The following TAOK1 variants were observed in gnomAD, a reference collection of about 807,000 sequenced individuals.
The protein encoded by TAOK1 is TAO kinase 1, also known as serine/threonine-protein kinase TAO1.
A neutral mutation model predicts 138.3 loss-of-function variants in TAOK1; 21 were observed. The ratio of observed to expected loss-of-function variants is 0.15; its 90% CI spans 0.11 to 0.22. TAOK1 has a LOEUF of 0.22. Ranked by LOEUF, TAOK1 falls within the 10% of genes least tolerant of loss-of-function variation. The pLI is 1.00. For missense variants in TAOK1, 651 were observed against 1,227.7 expected (o/e 0.53, Z 7.02); for synonymous variants, 361 against 398.4 (o/e 0.91, Z 1.12).
intron 1 of TAOK1, among the ~76,000 whole-genome samples, chr17:29,418,093 G>A (rs1905312557): frequency 6.6e-6 from 1 of 152,082 alleles, no homozygotes; most frequent in South Asian, 2.1e-4. Flanking sequence ...TCGCCATGTT[G>A]CCCAGGCTGG....
intron 18 of TAOK1, among the ~76,000 whole-genome samples, chr17:29,531,317 C>T (rs1364212046): frequency 1.3e-5 from 2 of 151,784 alleles, no homozygotes; most frequent in East Asian, 1.9e-4. Flanking sequence ...TTTGCCCTGT[C>T]GCCCAGGCTG....
At chr17:29,473,728 CTTTTTCTTTTTTTT>C (rs1483256304) in intron 3 of TAOK1, among the ~76,000 whole-genome samples, 4 of 151,662 alleles carry the variant, frequency 2.6e-5, no homozygotes, top group African/African-American at 9.7e-5. Context: ...TTCTTTCTTT[CTTTTTCTTTTTTTT>C]TTGAGACAGA....
intron 19 of TAOK1, among the ~76,000 whole-genome samples, chr17:29,539,937 T>C (rs1015276524): frequency 6.6e-6 from 1 of 152,066 alleles, no homozygotes; most frequent in African/African-American, 2.4e-5. Context: ...ATTTATAAAG[T>C]ATAGCAGAAA....
intron 1 of TAOK1, among the ~76,000 whole-genome samples, chr17:29,427,527 C>CA (rs1255682171): frequency 0.049 from 3,147 of 63,980 alleles, 92 homozygotes; most frequent in African/African-American, 0.14. Flanking sequence ...AACTCCGTCT[C>CA]AAAAAAAAAA....
rs148011481 is a variant in TAOK1, at chr17:29,490,976, T to G, written c.750-808T>G. ...TGAACAACTCGCATTAGGCCCCACC[T>G]CCCAACACTGTTGCACTGGAGATTA... is the stretch of plus-strand genomic sequence containing the variant. On this transcript the variant is annotated intron_variant, in intron 9 of 19. Coordinates refer to ENST00000261716, the MANE Select transcript of TAOK1 (RefSeq NM_020791.4). Among the ~76,000 whole-genome samples the G allele has an allele frequency of 1.7e-4, 26 of 152,272 alleles. 1 individual carries two copies. In the East Asian group the frequency reaches 5.0e-3, roughly 29 times the overall value.
chr17:29,461,010 G>T (rs901104166), intron 2 of TAOK1, among the ~76,000 whole-genome samples: 16 of 152,180 alleles, frequency 1.1e-4, no homozygotes, highest in African/African-American at 3.1e-4. Context: ...TAATTGCTAA[G>T]ATTCTTCTAC....
intron 2 of TAOK1, among the ~76,000 whole-genome samples, chr17:29,457,345 C>A: frequency 6.9e-6 from 1 of 144,256 alleles, no homozygotes; most frequent in Admixed American, 6.7e-5. Context: ...TCAGGTGATC[C>A]GCCCGCCTCG....
At chr17:29,427,864 T>A (rs1010233469) in intron 1 of TAOK1, among the ~76,000 whole-genome samples, 21 of 149,668 alleles carry the variant, frequency 1.4e-4, no homozygotes, top group African/African-American at 4.9e-4. Context: ...GGGCGGAGGT[T>A]GCAGTGAGCC....
chr17:29,463,630 A>G (rs1211979853), intron 2 of TAOK1, among the ~76,000 whole-genome samples: 9 of 152,300 alleles, frequency 5.9e-5, no homozygotes, highest in Non-Finnish European at 4.4e-5. Context: ...AGTTAAAACT[A>G]TAATACTCTT....
chr17:29,525,097 G>GT (rs71138829), intron 17 of TAOK1, among the ~76,000 whole-genome samples: 53,573 of 151,502 alleles, frequency 0.35, 11,323 homozygotes, highest in Non-Finnish European at 0.48. Flanking sequence ...CACAATGTTT[G>GT]TTTTTTTTGT....
chr17:29,433,980 T>C (rs1223889051), intron 1 of TAOK1, among the ~76,000 whole-genome samples: 2 of 152,188 alleles, frequency 1.3e-5, no homozygotes, highest in African/African-American at 4.8e-5. Context: ...GAGGCTCCGG[T>C]TGCATGACCA....
At chr17:29,435,994 G>A (rs1423109621) in intron 1 of TAOK1, among the ~76,000 whole-genome samples, 2 of 152,164 alleles carry the variant, frequency 1.3e-5, no homozygotes, top group Non-Finnish European at 2.9e-5. Flanking sequence ...GCTGGGCGTG[G>A]TGGCTGGTGC....
intron 1 of TAOK1, among the ~76,000 whole-genome samples, chr17:29,403,107 G>A (rs1598465401): frequency 7.6e-6 from 1 of 131,602 alleles, no homozygotes; most frequent in East Asian, 2.5e-4. Flanking sequence ...GTTGCAGTGA[G>A]CCAAGATTGT....
chr17:29,542,346 C>T (rs1313500682), intron 19 of TAOK1, among the ~76,000 whole-genome samples: 1 of 151,736 alleles, frequency 6.6e-6, no homozygotes, highest in Non-Finnish European at 1.5e-5. Context: ...GCAATATGTG[C>T]ATGTAAAAAA....
intron 3 of TAOK1, among the ~76,000 whole-genome samples, chr17:29,471,276 CTTTTTTTTTT>C (rs759764241): frequency 4.9e-5 from 4 of 81,848 alleles, no homozygotes; most frequent in Admixed American, 4.7e-4. Flanking sequence ...TATTTTCTTT[CTTTTTTTTTT>C]TTTTTTTTTT....
chr17:29,497,924 T>A (rs958082763), intron 11 of TAOK1, among the ~76,000 whole-genome samples: 22 of 152,036 alleles, frequency 1.4e-4, no homozygotes, highest in Middle Eastern at 3.4e-3. Context: ...TTTTTTTTTT[T>A]AAAAGGAGAG....
intron 1 of TAOK1, among the ~76,000 whole-genome samples, chr17:29,407,662 G>A (rs1230252489): frequency 6.6e-6 from 1 of 151,702 alleles, no homozygotes; most frequent in Admixed American, 6.6e-5. Flanking sequence ...CCCCAGGCTG[G>A]TCTCGAACTC....
intron 1 of TAOK1, among the ~76,000 whole-genome samples, chr17:29,450,735 T>G (rs2030210410): frequency 6.6e-6 from 1 of 152,152 alleles, no homozygotes; most frequent in Admixed American, 6.6e-5. Context: ...AGGCTGGTCA[T>G]GAACTCCTGG....
At chr17:29,515,801 A>T (rs2031803409) in intron 15 of TAOK1, among the ~76,000 whole-genome samples, 2 of 151,394 alleles carry the variant, frequency 1.3e-5, no homozygotes, top group Non-Finnish European at 2.9e-5. Context: ...GCGCCACTGC[A>T]CTCCAGCCTG....
Sources: gnomAD v4.1 joint callset for allele counts (sites outside exome capture counted in the v4.1 genomes callset) on GRCh38, gnomAD v4.1.1 for gene constraint, MANE v1.5 for transcripts, NCBI Gene and HGNC (gene_info 2026-07-23, HGNC 2026-07-21) for gene names.